The following TAFA4 variants were observed in gnomAD, a reference collection of about 807,000 sequenced individuals.
TAFA4 encodes the protein TAFA chemokine like family member 4.
Under a neutral mutation model 21.1 loss-of-function variants are expected in TAFA4, and 20 were observed. The ratio of observed to expected loss-of-function variants is 0.95; its 90% CI spans 0.67 to 1.38. The LOEUF (loss-of-function observed/expected upper bound fraction) is 1.38. TAFA4 is among the 40% of genes most tolerant of loss of function. The probability of loss-of-function intolerance (pLI) is 0.00; values close to 1 mark genes in which losing one functional copy is unlikely to be tolerated. For synonymous variants in TAFA4, 71 were observed against 67.4 expected (o/e 1.05, Z -0.26); for missense variants, 211 against 180.9 (o/e 1.17, Z -0.95).
chr3:68,750,904 A>G (rs1239604118), intron 4 of TAFA4, among the ~76,000 whole-genome samples: 1 of 152,000 alleles, frequency 6.6e-6, no homozygotes, highest in Admixed American at 6.5e-5. Flanking sequence ...CCAATGGGGA[A>G]AGATGAAAGT....
At chr3:68,918,360 T>C (rs1017585196) in intron 1 of TAFA4, among the ~76,000 whole-genome samples, 6 of 152,178 alleles carry the variant, frequency 3.9e-5, no homozygotes, top group Admixed American at 2.0e-4. Context: ...AACTTTTGCT[T>C]GTCCTACCTC....
chr3:68,918,403 T>C (rs1321192141), intron 1 of TAFA4, among the ~76,000 whole-genome samples: 1 of 152,224 alleles, frequency 6.6e-6, no homozygotes, highest in Non-Finnish European at 1.5e-5. Flanking sequence ...ATCTTATCCA[T>C]CTTCTGCCTC....
chr3:68,799,381 C>A (rs543707664), intron 3 of TAFA4, among the ~76,000 whole-genome samples: 6 of 152,132 alleles, frequency 3.9e-5, no homozygotes, highest in African/African-American at 1.4e-4. Flanking sequence ...TAAGGGTACT[C>A]ATCCCACTGA....
chr3:68,823,347 C>A (rs1704153765), intron 3 of TAFA4, among the ~76,000 whole-genome samples: 1 of 152,304 alleles, frequency 6.6e-6, no homozygotes, highest in South Asian at 2.1e-4. Flanking sequence ...ATACATTCTT[C>A]ATCTCACATC....
chr3:68,805,864 G>A (rs558516546), intron 3 of TAFA4, among the ~76,000 whole-genome samples: 3 of 152,034 alleles, frequency 2.0e-5, no homozygotes, highest in Non-Finnish European at 4.4e-5. Flanking sequence ...TAAATGACGA[G>A]TTAATGGGTG....
intron 3 of TAFA4, among the ~76,000 whole-genome samples, chr3:68,779,279 A>G (rs113604477): frequency 0.015 from 2,242 of 152,296 alleles, 59 homozygotes; most frequent in African/African-American, 0.051. Flanking sequence ...CGTTTGGAAA[A>G]CTTGTAGCCT....
chr3:68,760,481 T>C (rs1006751202), intron 3 of TAFA4, among the ~76,000 whole-genome samples: 1 of 152,198 alleles, frequency 6.6e-6, no homozygotes, highest in Non-Finnish European at 1.5e-5. Flanking sequence ...CCTTGCATCC[T>C]TCTCCTTTTG....
rs557278163 is a variant in TAFA4, at chr3:68,880,760, C to T, written c.100G>A (p.Ala34Thr). ...TGTCCCCGGAGGTGCTGGCTTGAGG[C>T]GGACATCAGCTTACAGCACACCATT... Reference protein sequence around the residue: ...VLMVCCKLMSASSQHLRGHAG... With the variant: ...VLMVCCKLMSTSSQHLRGHAG... Residue 34 changes from alanine (A) to threonine (T), a missense_variant, in exon 3 of 6, where the codon GCC (alanine) becomes ACC (threonine). Transcript: ENST00000295569. 25 of 1,613,882 alleles carry T rather than the reference C, an allele frequency of 1.5e-5. No individual in the cohort carries two copies. In the Admixed American group the frequency reaches 2.0e-4, roughly 13 times the overall value.
At chr3:68,778,045 T>C (rs1703080784) in intron 3 of TAFA4, among the ~76,000 whole-genome samples, 1 of 152,138 alleles carries the variant, frequency 6.6e-6, no homozygotes, top group South Asian at 2.1e-4. Flanking sequence ...AATTTACCCA[T>C]ATCAAAAATT....
At chr3:68,801,943 A>AT (rs5849864) in intron 3 of TAFA4, among the ~76,000 whole-genome samples, 33,217 of 151,344 alleles carry the variant, frequency 0.22, 4,409 homozygotes, top group East Asian at 0.62. Flanking sequence ...AATTCGATGT[A>AT]TTTTTTTTTC....
At chr3:68,788,076 T>C (rs1410875624) in intron 3 of TAFA4, among the ~76,000 whole-genome samples, 4 of 152,244 alleles carry the variant, frequency 2.6e-5, no homozygotes, top group African/African-American at 4.8e-5. Context: ...TGATCCATTA[T>C]AGCCCCAGAA....
chr3:68,732,941 G>T lies in TAFA4; in HGVS notation c.*201C>A. ...GATGTCAAATGGGTGGTGGCTTGTG[G>T]TTATAATTCAATGAAATAAAATCAC... On this transcript the variant is annotated 3_prime_UTR_variant, in exon 6 of 6. Coordinates refer to ENST00000295569, the MANE Select transcript of TAFA4 (RefSeq NM_182522.5). 1 of 608,928 alleles carries T rather than the reference G, an allele frequency of 1.6e-6. No homozygotes were observed. The highest frequency in any genetic ancestry group is 2.8e-6 in the Non-Finnish European group (1 of 359,032). The allele number at this position is 608,928 out of a possible 1,614,324, so 37.7% of individuals were successfully genotyped here. A position where few individuals can be genotyped will look rare whatever the true frequency, so the allele number is the denominator to read the frequency against.
chr3:68,885,782 T>A (rs1304358604), intron 1 of TAFA4, among the ~76,000 whole-genome samples: 2 of 152,194 alleles, frequency 1.3e-5, no homozygotes, highest in Non-Finnish European at 2.9e-5. Context: ...AGACAATCTA[T>A]GAGGTTGCTT....
rs1217630245 is a variant in TAFA4, at chr3:68,783,707, G to GA, written c.131-30690dup. Among the ~76,000 whole-genome samples, 606 of 61,114 alleles carry GA rather than the reference G, an allele frequency of 9.9e-3. 6 individuals carry two copies. The highest frequency in any genetic ancestry group is 0.034 in the African/African-American group (519 of 15,052). 40.1% of individuals were successfully genotyped at this position (61,114 alleles called of 152,430 possible). A position where few individuals can be genotyped will look rare whatever the true frequency, so the allele number is the denominator to read the frequency against. On this transcript the variant is annotated intron_variant, in intron 3 of 5. Coordinates refer to ENST00000295569, the MANE Select transcript of TAFA4 (RefSeq NM_182522.5). The stretch of plus-strand genomic sequence containing the variant: ...AGAGAGAGAGAGAGAGAGAGAGAGA[G>GA]AAAGAAAAAGAAAGAAAGAAAGAAA...
At chr3:68,821,753 G>A (rs1157892983) in intron 3 of TAFA4, among the ~76,000 whole-genome samples, 1 of 152,118 alleles carries the variant, frequency 6.6e-6, no homozygotes, top group African/African-American at 2.4e-5. Context: ...GAAGCCTGAA[G>A]GGTGCATTCC....
In TAFA4 at chr3:68,763,586, G is replaced by A. The variant is rs548670388; in HGVS notation, c.131-10568C>T. ...ATATTCTAACCAACATTCCTCAGTC[G>A]CTTACCTTACTTTTTAAGATATCTA... On this transcript the variant is annotated intron_variant, in intron 3 of 5. Transcript: ENST00000295569. Among the ~76,000 whole-genome samples, 22 of 151,978 alleles carry A rather than the reference G, an allele frequency of 1.4e-4. No individual in the cohort carries two copies. The South Asian group carries it at 2.3e-3, about 16-fold the overall frequency.
chr3:68,792,367 T>A (rs1703378181), intron 3 of TAFA4, among the ~76,000 whole-genome samples: 1 of 152,112 alleles, frequency 6.6e-6, no homozygotes, highest in South Asian at 2.1e-4. Flanking sequence ...ATGAAAATTT[T>A]TGGAAGAGAG....
intron 3 of TAFA4, among the ~76,000 whole-genome samples, chr3:68,843,089 G>C (rs1704702404): frequency 6.6e-6 from 1 of 152,156 alleles, no homozygotes; most frequent in Admixed American, 6.5e-5. Context: ...ATGGTGGTTT[G>C]TTGGGGATAG....
chr3:68,739,758 G>T (rs932699318), intron 4 of TAFA4, among the ~76,000 whole-genome samples: 2 of 152,144 alleles, frequency 1.3e-5, no homozygotes, highest in Admixed American at 6.6e-5. Flanking sequence ...TATCTTAAGT[G>T]AAATAACCCA....
Sources: gnomAD v4.1 joint callset for allele counts (sites outside exome capture counted in the v4.1 genomes callset) on GRCh38, gnomAD v4.1.1 for gene constraint, MANE v1.5 for transcripts, NCBI Gene and HGNC (gene_info 2026-07-23, HGNC 2026-07-21) for gene names.